The following SLC39A5 variants were observed in gnomAD, a reference collection of about 807,000 sequenced individuals.
SLC39A5 encodes zinc transporter ZIP5.
Under a neutral mutation model 46.9 loss-of-function variants are expected in SLC39A5, and 42 were observed. That is an observed-to-expected ratio of 0.90 (90% CI 0.70 to 1.16). SLC39A5 has a LOEUF of 1.16. Ranked by LOEUF, SLC39A5 falls within the 50% of genes most tolerant of loss-of-function variation. The probability of loss-of-function intolerance (pLI) is 0.00; values close to 1 mark genes in which losing one functional copy is unlikely to be tolerated. For missense variants in SLC39A5, 677 were observed against 686.8 expected (o/e 0.99, Z 0.16); for synonymous variants, 311 against 323.1 (o/e 0.96, Z 0.40).
chr12:56,234,337 T>G (rs1238357497), intron 5 of SLC39A5, among the ~76,000 whole-genome samples: 1 of 146,586 alleles, frequency 6.8e-6, no homozygotes, highest in Non-Finnish European at 1.5e-5. Context: ...TTTTTTGAGA[T>G]GGAGTCTCAC....
At chr12:56,233,436 C>T (rs1449387325) in intron 5 of SLC39A5, among the ~76,000 whole-genome samples, 4 of 151,046 alleles carry the variant, frequency 2.6e-5, no homozygotes, top group Non-Finnish European at 2.9e-5. Context: ...GGTAACACAG[C>T]GAGACTCTGT....
intron 5 of SLC39A5, among the ~76,000 whole-genome samples, chr12:56,233,154 T>G (rs1211121173): frequency 6.6e-6 from 1 of 150,440 alleles, no homozygotes; most frequent in Non-Finnish European, 1.5e-5. Context: ...TCCTAGCTAC[T>G]CAGGAGGCTG....
rs1426302705 is a variant in SLC39A5 at position 56,235,565 on chromosome 12, AGAAGGGCGGCAC to A, written c.812_823del (p.Glu271_His274del). 7 of 1,613,832 alleles carry A rather than the reference AGAAGGGCGGCAC, an allele frequency of 4.3e-6. No individual in the cohort carries two copies. The highest frequency in any genetic ancestry group is 5.1e-6 in the Non-Finnish European group (6 of 1,179,940). On this transcript the variant is annotated inframe_deletion, in exon 8 of 13. Transcript: ENST00000454355. ...CCTGACCTTCTCTCTGTCAGGCACAAGAAGGGCGGCACGCAGGACCTGGCGGACTACCAGAGA... is the reference window on the plus strand; with the variant it reads ...CCTGACCTTCTCTCTGTCAGGCACAAGCAGGACCTGGCGGACTACCAGAGA...
rs542917786 is a variant in SLC39A5, at chr12:56,236,610, G to T, written c.1071G>T (p.Lys357Asn). 8 of 1,613,114 alleles carry T rather than the reference G, an allele frequency of 5.0e-6. No homozygotes were observed. In the East Asian group the frequency reaches 6.7e-5, roughly 13 times the overall value. ...CAGGGGCTCAGGGCCAGAGGGAGAA[G>T]AACAGCCAGCACCCACCAGCTCTGG... is the stretch of plus-strand genomic sequence containing the variant. The part of the protein sequence containing the change: ...PEPGAQGQRE[K>N]NSQHPPALAP... Residue 357 changes from lysine (K) to asparagine (N), a missense_variant, in exon 10 of 13, where the codon AAG becomes AAT. Lys to Asn is a moderately conservative substitution (Grantham distance 94). Coordinates refer to ENST00000454355, the MANE Select transcript of SLC39A5 (RefSeq NM_173596.3).
intron 11 of SLC39A5, 30 bp downstream of exon 11, chr12:56,237,041 A>G: frequency 6.2e-7 from 1 of 1,613,526 alleles, no homozygotes. Flanking sequence ...GGTGGGGTGG[A>G]CTCCAGAAAG....
At chr12:56,231,099 G>T (rs1197318927) in intron 3 of SLC39A5, 105 bp from the exon 4 acceptor site, 2 of 626,474 alleles carry the variant, frequency 3.2e-6, no homozygotes, top group South Asian at 4.5e-5. Flanking sequence ...TGCAGTAGGG[G>T]CTGCTGCTGG....
rs754402707 is a variant in SLC39A5, at chr12:56,235,707, G to T, written c.945+7G>T. 12 of 1,613,686 alleles carry T rather than the reference G, an allele frequency of 7.4e-6. No individual in the cohort carries two copies. In the Admixed American group the frequency reaches 1.8e-4, roughly 25 times the overall value. ...GCACCGAGGGCTCAGGCCAGTGAGT[G>T]ATACCCTTTTCTCCTCCTTCTGCTG... On this transcript the variant is annotated splice_region_variant and intron_variant, in intron 8 of 12. Transcript: ENST00000454355.
Position 56,237,257 on chromosome 12 carries a change from C to G in SLC39A5, c.1396C>G (p.Leu466Val). ...GLGGAVLGVG[L>V]SLGPVPLTPW... ...GGGGGGTGCAGTCCTGGGGGTGGGGCTCAGCCTGGGCCCTGTCCCCCTCAC... is the reference window on the plus strand; with the variant it reads ...GGGGGGTGCAGTCCTGGGGGTGGGGGTCAGCCTGGGCCCTGTCCCCCTCAC... Residue 466 changes from leucine to valine, a missense_variant, in exon 12 of 13, where the codon CTC becomes GTC. Leu to Val is a conservative substitution (Grantham distance 32). Coordinates refer to ENST00000454355, the MANE Select transcript of SLC39A5 (RefSeq NM_173596.3). 1.2e-6 allele frequency: 2 copies of G among 1,613,902 alleles called. No individual in the cohort carries two copies. The highest frequency in any genetic ancestry group is 2.2e-5 in the South Asian group (2 of 91,070).
At chr12:56,236,115 C>T (rs1870735165) in intron 8 of SLC39A5, among the ~76,000 whole-genome samples, 1 of 152,232 alleles carries the variant, frequency 6.6e-6, no homozygotes, top group Non-Finnish European at 1.5e-5. Context: ...TCCTGGATCT[C>T]TGACATTTGC....
intron 8 of SLC39A5, 32 bp downstream of exon 8, chr12:56,235,732 G>A (rs1565601430): frequency 6.2e-7 from 1 of 1,612,558 alleles, no homozygotes; most frequent in Admixed American, 1.7e-5. Context: ...TCCTTCTGCT[G>A]AGACCAGAGT....
chr12:56,237,755 G>A lies in SLC39A5; in HGVS notation c.*24G>A. On this transcript the variant is annotated 3_prime_UTR_variant, in exon 13 of 13. Transcript: ENST00000454355. The stretch of plus-strand genomic sequence containing the variant: ...GATGGGGCCAGTGGAAAGGGGTCGG[G>A]TTGCCCTTCCTTCCCCCCAACCACA... The A allele has an allele frequency of 6.6e-7, 1 of 1,510,908 alleles. No individual in the cohort carries two copies. The highest frequency in any genetic ancestry group is 1.4e-5 in the African/African-American group (1 of 71,202). The allele number at this position is 1,510,908 out of a possible 1,614,324, so 93.6% of individuals were successfully genotyped here. A position where few individuals can be genotyped will look rare whatever the true frequency, so the allele number is the denominator to read the frequency against.
intron 11 of SLC39A5, 52 bp from the exon 12 acceptor site, chr12:56,237,098 A>T: frequency 6.2e-7 from 1 of 1,612,882 alleles, no homozygotes; most frequent in South Asian, 1.1e-5. Context: ...GGTGGCATGG[A>T]TGAGGGGCAC....
chr12:56,230,600 C>T (rs1008718202), intron 2 of SLC39A5: 2 of 152,416 alleles, frequency 1.3e-5, no homozygotes, highest in Admixed American at 1.3e-4. Context: ...GGTGGCCCCT[C>T]CCTACCCAGG....
chr12:56,233,311 G>T (rs929627448), intron 5 of SLC39A5, among the ~76,000 whole-genome samples: 2 of 147,448 alleles, frequency 1.4e-5, no homozygotes, highest in Admixed American at 1.4e-4. Flanking sequence ...ATAGCTGGGC[G>T]TGGTGGCACA....
intron 8 of SLC39A5, 156 bp downstream of exon 8, chr12:56,235,856 A>C (rs920788710): frequency 1.1e-6 from 1 of 893,570 alleles, no homozygotes; most frequent in Non-Finnish European, 1.8e-6. Flanking sequence ...CAGCCTGACC[A>C]ACATGGTGAA....
At position 56,237,223 on chromosome 12, in the gene SLC39A5, C is replaced by T. The variant is rs1421345506; in HGVS notation, c.1362C>T (p.Ala454=). Residue 454 remains alanine (A), a synonymous_variant, in exon 12 of 13, where the codon GCC becomes GCT. Transcript: ENST00000454355. Reference sequence around the variant, plus strand: ...TGCTGCTGAGCCTCGTGTCTGGAGCCCTGGGATTGGGGGGTGCAGTCCTGG... The same window carrying T: ...TGCTGCTGAGCCTCGTGTCTGGAGCTCTGGGATTGGGGGGTGCAGTCCTGG... ...RLLLLSLVSG[A]LGLGGAVLGV... is the part of the protein sequence containing the mutation. 1 of 1,613,858 alleles carries T rather than the reference C, an allele frequency of 6.2e-7. No individual in the cohort carries two copies. The highest frequency in any genetic ancestry group is 1.7e-5 in the Admixed American group (1 of 60,002).
At chr12:56,231,907 T>G (rs1299019590) in intron 4 of SLC39A5, among the ~76,000 whole-genome samples, 1 of 151,208 alleles carries the variant, frequency 6.6e-6, no homozygotes, top group Non-Finnish European at 1.5e-5. Context: ...AAAAATTTTT[T>G]ACAGAGACAA....
intron 4 of SLC39A5, among the ~76,000 whole-genome samples, chr12:56,231,940 C>T (rs1245723866): frequency 6.6e-6 from 1 of 151,828 alleles, no homozygotes; most frequent in Non-Finnish European, 1.5e-5. Flanking sequence ...GTTGCCCAGG[C>T]TGGTCTCAAA....
chr12:56,233,316 G>A (rs1232696712), intron 5 of SLC39A5, among the ~76,000 whole-genome samples: 1 of 142,522 alleles, frequency 7.0e-6, no homozygotes, highest in Admixed American at 7.3e-5. Flanking sequence ...TGGGCGTGGT[G>A]GCACATGCCT....
Sources: allele counts gnomAD v4.1 joint callset (sites outside exome capture counted in the v4.1 genomes callset), GRCh38; gene constraint gnomAD v4.1.1; transcripts MANE v1.5; gene names NCBI Gene and HGNC (gene_info 2026-07-23, HGNC 2026-07-21).